Variants in RNF150 observed in about 807,000 individuals in gnomAD.
RNF150 encodes ring finger protein 150.
RNF150 carries 24 observed loss-of-function variants against 39.3 expected under a neutral mutation model. That is an observed-to-expected ratio of 0.61 (90% confidence interval 0.44 to 0.86). RNF150 has a LOEUF of 0.86. RNF150 is among the 40% of genes least tolerant of loss of function. RNF150 has a pLI of 0.00. For missense variants in RNF150, 502 were observed against 587.8 expected, an observed-to-expected ratio of 0.85 and a Z score of 1.51; for synonymous variants, 255 against 227.3, an observed-to-expected ratio of 1.12 and a Z score of -1.10.
At chr4:141,199,694 T>C (rs1422573745) in intron 1 of RNF150, among the ~76,000 whole-genome samples, 2 of 152,188 alleles carry the variant, frequency 1.3e-5, no homozygotes, top group African/African-American at 4.8e-5. Flanking sequence ...ACTACAAAGA[T>C]ACAGCACAAT....
chr4:140,909,474 C>CTGTT (rs1466730491), intron 6 of RNF150, among the ~76,000 whole-genome samples: 1 of 151,982 alleles, frequency 6.6e-6, no homozygotes, highest in African/African-American at 2.4e-5. Context: ...AAGTTCTTTA[C>CTGTT]TGTTTACTTC....
At chr4:141,027,912 G>GTTTTTTGTTT (rs1560696593) in intron 1 of RNF150, among the ~76,000 whole-genome samples, 8 of 27,104 alleles carry the variant, frequency 3.0e-4, no homozygotes, top group East Asian at 8.2e-4. Flanking sequence ...CTTGGAATTT[G>GTTTTTTGTTT]TTTTTTTTTT....
chr4:141,148,015 CT>C (rs1260637357), intron 1 of RNF150, among the ~76,000 whole-genome samples: 2 of 152,054 alleles, frequency 1.3e-5, no homozygotes, highest in Non-Finnish European at 2.9e-5. Context: ...AAAATATTTT[CT>C]TGTGTCTTTC....
chr4:141,024,712 G>A (rs1209776261), intron 1 of RNF150, among the ~76,000 whole-genome samples: 1 of 152,194 alleles, frequency 6.6e-6, no homozygotes, highest in African/African-American at 2.4e-5. Context: ...CAGGGTTCCC[G>A]GTATGGGATA....
rs1579038161 is a variant in RNF150 at position 140,997,107 on chromosome 4, C to T, written c.485-29234G>A. 4 of 152,234 alleles carry T rather than the reference C, an allele frequency of 2.6e-5. No homozygotes were observed. In the South Asian group the frequency reaches 8.3e-4, roughly 32 times the overall value. 9.4% of individuals were successfully genotyped at this position (152,234 alleles called of 1,614,324 possible). On this transcript the variant is annotated intron_variant, in intron 1 of 6. Transcript: ENST00000515673. The stretch of plus-strand genomic sequence containing the variant: ...AAAATACCTCTTGACACAGCAATTC[C>T]ACTTTTAGGAACTGAGACTACAGAT...
rs564457092 is a variant in RNF150, at chr4:141,130,071, C to A, written c.484+2254G>T. Among the ~76,000 whole-genome samples, 7 of 152,306 alleles carry A rather than the reference C, an allele frequency of 4.6e-5. No individual in the cohort carries two copies. The East Asian group carries it at 1.3e-3, about 29-fold the overall frequency. ...GATTAGCATCTAAAATGTGCAGTTT[C>A]TCAAACTGAATTCAGAAATCTGACC... is the stretch of plus-strand genomic sequence containing the variant. On this transcript the variant is annotated intron_variant, in intron 1 of 6. Transcript: ENST00000515673.
At chr4:140,871,901 C>CAA (rs1728961772) in intron 6 of RNF150, among the ~76,000 whole-genome samples, 1 of 152,156 alleles carries the variant, frequency 6.6e-6, no homozygotes. Context: ...CTTTACTATA[C>CAA]AGTGCAAGGC....
rs183340467 is a variant in RNF150, at chr4:140,932,033, T to C, written c.891-5960A>G. Among the ~76,000 whole-genome samples, 5 of 152,350 alleles carry C rather than the reference T, an allele frequency of 3.3e-5. No homozygotes were observed. In the East Asian group the frequency reaches 9.6e-4, roughly 29 times the overall value. On this transcript the variant is annotated intron_variant, in intron 4 of 6. Coordinates refer to ENST00000515673, the MANE Select transcript of RNF150 (RefSeq NM_020724.2). ...CACTTTTGTAGACACCGTTGGACCC[T>C]AACACCCTGCAAGTGAGATTAGGAC...
chr4:140,914,306 C>T (rs1354137537), intron 5 of RNF150, among the ~76,000 whole-genome samples: 5 of 152,174 alleles, frequency 3.3e-5, no homozygotes, highest in Non-Finnish European at 7.3e-5. Flanking sequence ...ATCCACTCTA[C>T]ATGGTTCATC....
At chr4:141,139,713 A>G (rs938347934) in intron 1 of RNF150, among the ~76,000 whole-genome samples, 2 of 152,208 alleles carry the variant, frequency 1.3e-5, no homozygotes, top group African/African-American at 4.8e-5. Flanking sequence ...TGTCTTAATT[A>G]ATTCTCAGGA....
intron 1 of RNF150, among the ~76,000 whole-genome samples, chr4:141,203,916 T>C (rs933003863): frequency 6.6e-6 from 1 of 151,956 alleles, no homozygotes; most frequent in African/African-American, 2.4e-5. Context: ...GTAATGTTTC[T>C]GTTAAGAATT....
intron 1 of RNF150, among the ~76,000 whole-genome samples, chr4:141,174,344 A>G (rs1727774668): frequency 6.6e-6 from 1 of 152,148 alleles, no homozygotes; most frequent in Non-Finnish European, 1.5e-5. Context: ...TGCTGGGACC[A>G]GGCACACTGA....
intron 1 of RNF150, among the ~76,000 whole-genome samples, chr4:141,033,506 C>A (rs767539737): frequency 2.0e-5 from 3 of 152,192 alleles, no homozygotes; most frequent in Admixed American, 6.5e-5. Context: ...AACCTCCCCC[C>A]ATGAATCACA....
At chr4:141,089,521 G>T (rs1578716704) in intron 1 of RNF150, among the ~76,000 whole-genome samples, 2 of 152,106 alleles carry the variant, frequency 1.3e-5, no homozygotes, top group Non-Finnish European at 2.9e-5. Flanking sequence ...ACATGATCAA[G>T]GAAAAGTGTC....
rs141976197 is a variant in RNF150, at chr4:140,967,764, C to A, written c.594G>T (p.Arg198=). 156 of 1,613,454 alleles carry A rather than the reference C, an allele frequency of 9.7e-5. 1 individual carries two copies. In the Admixed American group the frequency reaches 2.6e-3, roughly 27 times the overall value. ...TGCGGCTCACATATTTCTGCAAGTTCCGGGTTCCGATGGTGATGTACATTG... is the reference window on the plus strand; with the variant it reads ...TGCGGCTCACATATTTCTGCAAGTTACGGGTTCCGATGGTGATGTACATTG... ...TVTMYITIGT[R]NLQKYVSRTS... is the part of the protein sequence containing the mutation. Residue 198 remains arginine, a synonymous_variant, in exon 2 of 7, where the codon CGG becomes CGT. Transcript: ENST00000515673.
rs1290061269 is a variant in RNF150 at position 141,028,666 on chromosome 4, T to C, written c.485-60793A>G. On this transcript the variant is annotated intron_variant, in intron 1 of 6. Coordinates refer to ENST00000515673, the MANE Select transcript of RNF150 (RefSeq NM_020724.2). Reference sequence around the variant, plus strand: ...ATATTGATTATGACTTTGCAATTTATTTTCAAGCAAGAACTGTTGAGTATT... The same window carrying C: ...ATATTGATTATGACTTTGCAATTTACTTTCAAGCAAGAACTGTTGAGTATT... Among the ~76,000 whole-genome samples the C allele has an allele frequency of 2.0e-5, 3 of 152,336 alleles. No homozygotes were observed. In the East Asian group the frequency reaches 5.8e-4, roughly 29 times the overall value.
chr4:141,193,964 A>G (rs1471657612), intron 1 of RNF150, among the ~76,000 whole-genome samples: 1 of 152,262 alleles, frequency 6.6e-6, no homozygotes, highest in Non-Finnish European at 1.5e-5. Context: ...AAGAATGACT[A>G]CATCTGTGTG....
intron 1 of RNF150, among the ~76,000 whole-genome samples, chr4:141,162,162 A>G (rs574792658): frequency 7.0e-4 from 106 of 152,312 alleles, no homozygotes; most frequent in Middle Eastern, 3.4e-3. Flanking sequence ...ATACACTGTA[A>G]AGCCACAGGG....
chr4:140,998,055 A>T lies in RNF150; in HGVS notation c.485-30182T>A, dbSNP rs115771905. Among the ~76,000 whole-genome samples, 1,075 of 152,312 alleles carry T rather than the reference A, an allele frequency of 7.1e-3. 16 individuals carry two copies. The highest frequency in any genetic ancestry group is 0.022 in the African/African-American group (935 of 41,572). On this transcript the variant is annotated intron_variant, in intron 1 of 6. Transcript: ENST00000515673. ...CCAGATAAATTTGCACACTGACTTCAATTTAGGATGCCCCAATAAATAACG... is the reference window on the plus strand; with the variant it reads ...CCAGATAAATTTGCACACTGACTTCTATTTAGGATGCCCCAATAAATAACG...
Sources: gnomAD v4.1 joint callset for allele counts (sites outside exome capture counted in the v4.1 genomes callset) on GRCh38, gnomAD v4.1.1 for gene constraint, MANE v1.5 for transcripts, NCBI Gene and HGNC (gene_info 2026-07-23, HGNC 2026-07-21) for gene names.